Variants in RBFOX1 observed in about 807,000 individuals in gnomAD.
RBFOX1 encodes the protein RNA binding fox-1 homolog 1.
RBFOX1 carries 8 observed loss-of-function variants against 57.7 expected under a neutral mutation model. The observed-to-expected ratio is 0.14, with a 90% CI of 0.08 to 0.25. RBFOX1 has a LOEUF of 0.25. RBFOX1 is among the 10% of genes least tolerant of loss of function. The pLI, the probability that RBFOX1 is intolerant of heterozygous loss-of-function variation, is 1.00. For synonymous variants in RBFOX1, 326 were observed against 222.4 expected (o/e 1.47, Z -4.15); for missense variants, 611 against 548.5 (o/e 1.11, Z -1.14).
intron 1 of RBFOX1, among the ~76,000 whole-genome samples, chr16:6,130,221 G>A (rs1035553225): frequency 6.6e-6 from 1 of 152,090 alleles, no homozygotes; most frequent in Non-Finnish European, 1.5e-5. Context: ...GGTTTGTTAA[G>A]TATACACATG....
At chr16:5,720,614 T>A (rs2342729) in intron 3 of RBFOX1, among the ~76,000 whole-genome samples, 2 of 152,084 alleles carry the variant, frequency 1.3e-5, no homozygotes, top group East Asian at 3.9e-4. Context: ...TTTTTATCTA[T>A]GGTGGAAGGA....
At chr16:6,182,663 T>G (rs909037765) in intron 1 of RBFOX1, among the ~76,000 whole-genome samples, 27 of 152,204 alleles carry the variant, frequency 1.8e-4, no homozygotes, top group Non-Finnish European at 3.2e-4. Context: ...TAAATATGTT[T>G]TAAAATATAT....
At chr16:7,324,097 C>G (rs1003607363) in intron 4 of RBFOX1, among the ~76,000 whole-genome samples, 2 of 152,050 alleles carry the variant, frequency 1.3e-5, no homozygotes, top group African/African-American at 2.4e-5. Context: ...ATCATGAATT[C>G]CCAAGAGGAA....
At chr16:7,704,210 A>C (rs1002323093) in intron 14 of RBFOX1, among the ~76,000 whole-genome samples, 1 of 152,132 alleles carries the variant, frequency 6.6e-6, no homozygotes, top group African/African-American at 2.4e-5. Context: ...GTTGCTTCCC[A>C]GTTTTAACTT....
chr16:6,614,054 C>A (rs72541891), intron 2 of RBFOX1, among the ~76,000 whole-genome samples: 2 of 152,324 alleles, frequency 1.3e-5, no homozygotes, highest in East Asian at 3.9e-4. Context: ...GAAACTTTCC[C>A]TTTCTACATT....
chr16:7,344,561 T>C (rs1024607187), intron 4 of RBFOX1, among the ~76,000 whole-genome samples: 1 of 151,360 alleles, frequency 6.6e-6, no homozygotes, highest in African/African-American at 2.4e-5. Context: ...AGTTACATAG[T>C]AATGATTATA....
At chr16:7,247,587 C>T (rs967264670) in intron 4 of RBFOX1, among the ~76,000 whole-genome samples, 14 of 152,148 alleles carry the variant, frequency 9.2e-5, no homozygotes, top group African/African-American at 3.4e-4. Context: ...AAGCTAAAAG[C>T]CCCCAGGTCA....
chr16:5,523,147 T>A (rs9933777), intron 2 of RBFOX1, among the ~76,000 whole-genome samples: 2 of 151,856 alleles, frequency 1.3e-5, no homozygotes, highest in East Asian at 3.9e-4. Context: ...TTAGCTGGGT[T>A]TGGTGGTGCA....
At chr16:6,611,210 A>C (rs1333091327) in intron 2 of RBFOX1, among the ~76,000 whole-genome samples, 1 of 152,084 alleles carries the variant, frequency 6.6e-6, no homozygotes, top group Non-Finnish European at 1.5e-5. Context: ...ATAATGGTGC[A>C]ATCTAGGATC....
chr16:6,889,896 C>T (rs1447691332), intron 3 of RBFOX1, among the ~76,000 whole-genome samples: 1 of 152,178 alleles, frequency 6.6e-6, no homozygotes, highest in East Asian at 1.9e-4. Context: ...TTTCTTTTAA[C>T]ACATTGTATA....
chr16:5,284,045 G>C (rs1404343140), intron 1 of RBFOX1, among the ~76,000 whole-genome samples: 1 of 152,012 alleles, frequency 6.6e-6, no homozygotes, highest in African/African-American at 2.4e-5. Context: ...TTCCCATGCT[G>C]TTCTCATGAT....
intron 14 of RBFOX1, among the ~76,000 whole-genome samples, chr16:7,689,959 T>C (rs976138090): frequency 6.6e-6 from 1 of 151,998 alleles, no homozygotes; most frequent in Non-Finnish European, 1.5e-5. Context: ...AGTAGCTAGG[T>C]TGCCCTGGAG....
At chr16:6,427,258 A>T (rs1237553203) in intron 2 of RBFOX1, among the ~76,000 whole-genome samples, 1 of 152,130 alleles carries the variant, frequency 6.6e-6, no homozygotes, top group East Asian at 1.9e-4. Flanking sequence ...CTTCCTGTGG[A>T]TCCTAGGTGA....
chr16:6,124,226 G>C (rs1050475992), intron 1 of RBFOX1, among the ~76,000 whole-genome samples: 1 of 152,150 alleles, frequency 6.6e-6, no homozygotes, highest in South Asian at 2.1e-4. Flanking sequence ...GTCCATGCTG[G>C]GTCCACATTC....
intron 2 of RBFOX1, among the ~76,000 whole-genome samples, chr16:6,421,146 G>C (rs1357701876): frequency 6.6e-6 from 1 of 152,168 alleles, no homozygotes; most frequent in Non-Finnish European, 1.5e-5. Flanking sequence ...AAACAAGAGA[G>C]GCCCAGAGGC....
intron 3 of RBFOX1, among the ~76,000 whole-genome samples, chr16:6,867,152 G>C (rs551711009): frequency 2.6e-5 from 4 of 152,254 alleles, no homozygotes; most frequent in East Asian, 1.9e-4. Flanking sequence ...GATGTACTAA[G>C]TGCAGAAGTT....
chr16:6,428,182 A>T (rs994734870), intron 2 of RBFOX1, among the ~76,000 whole-genome samples: 9 of 150,824 alleles, frequency 6.0e-5, no homozygotes, highest in Non-Finnish European at 1.2e-4. Context: ...GCTACTTGGA[A>T]GGCTGAGGTG....
intron 2 of RBFOX1, among the ~76,000 whole-genome samples, chr16:6,627,278 C>T (rs150879551): frequency 2.0e-5 from 3 of 152,290 alleles, no homozygotes; most frequent in East Asian, 1.9e-4. Context: ...GGCCCTGAAA[C>T]GTCCCTACTT....
At chr16:7,035,245 T>G (rs914408570) in intron 3 of RBFOX1, among the ~76,000 whole-genome samples, 2 of 152,070 alleles carry the variant, frequency 1.3e-5, no homozygotes. Context: ...ATACTCCAAG[T>G]GAGAACTGTA....
Sources: gnomAD v4.1 joint callset for allele counts (sites outside exome capture counted in the v4.1 genomes callset) on GRCh38, gnomAD v4.1.1 for gene constraint, MANE v1.5 for transcripts, NCBI Gene and HGNC (gene_info 2026-07-23, HGNC 2026-07-21) for gene names.